The following PCDH11X variants were observed in gnomAD, a reference collection of about 807,000 sequenced individuals.
PCDH11X encodes the protein protocadherin-11 X-linked.
PCDH11X carries 18 observed loss-of-function variants against 53.3 expected under a neutral mutation model. That is an observed-to-expected ratio of 0.34 (90% CI 0.23 to 0.50). PCDH11X has a LOEUF of 0.50. Among genes scored for constraint, PCDH11X ranks in the 20% least tolerant of loss-of-function variants. PCDH11X has a pLI of 0.98. For synonymous variants in PCDH11X, 279 were observed against 393.3 expected, an observed-to-expected ratio of 0.71 and a Z score of 3.44; for missense variants, 570 against 1,032.4, an observed-to-expected ratio of 0.55 and a Z score of 6.14.
At chrX:92,159,906 T>C (rs5942129) in intron 6 of PCDH11X, among the ~76,000 whole-genome samples, 31,344 of 84,428 alleles carry the variant, frequency 0.37, 5,814 homozygotes, top group Non-Finnish European at 0.48. Context: ...TTGTTTGTTA[T>C]GAATCTCCTG....
chrX:92,382,643 A>T (rs1469621789), intron 8 of PCDH11X, among the ~76,000 whole-genome samples: 2 of 111,667 alleles, frequency 1.8e-5, no homozygotes, highest in Non-Finnish European at 3.8e-5. Flanking sequence ...GTGTTCTGGA[A>T]TTTTGATTCA....
intron 10 of PCDH11X, among the ~76,000 whole-genome samples, chrX:92,515,097 C>T (rs1328243234): frequency 4.8e-5 from 5 of 104,515 alleles, no homozygotes; most frequent in Non-Finnish European, 7.9e-5. Flanking sequence ...CCTTCAAAAC[C>T]GACTCTAACT....
intron 10 of PCDH11X, among the ~76,000 whole-genome samples, chrX:92,608,404 T>A (rs1354082643): frequency 9.4e-6 from 1 of 106,330 alleles, no homozygotes; most frequent in Non-Finnish European, 1.9e-5. Flanking sequence ...TGAACAAAAA[T>A]CATTATGTCA....
intron 8 of PCDH11X, among the ~76,000 whole-genome samples, chrX:92,302,012 C>T (rs2148470982): frequency 9.0e-6 from 1 of 111,482 alleles, no homozygotes; most frequent in African/African-American, 3.3e-5. Context: ...GGCCATGAAA[C>T]TACTGCATTA....
At chrX:92,390,491 T>C (rs145510655) in intron 9 of PCDH11X, among the ~76,000 whole-genome samples, 1,958 of 109,132 alleles carry the variant, frequency 0.018, 43 homozygotes, top group East Asian at 0.084. Flanking sequence ...ATAAGGTATT[T>C]TGATTCTTCA....
intron 5 of PCDH11X, among the ~76,000 whole-genome samples, chrX:91,849,576 G>A (rs1269163878): frequency 9.3e-6 from 1 of 107,922 alleles, no homozygotes; most frequent in Non-Finnish European, 1.9e-5. Context: ...AGAGAAAAAT[G>A]TCTATTTCAG....
At chrX:92,215,805 C>A (rs1422284457) in intron 7 of PCDH11X, among the ~76,000 whole-genome samples, 2 of 106,518 alleles carry the variant, frequency 1.9e-5, no homozygotes, top group Non-Finnish European at 3.9e-5. Flanking sequence ...AGGCACCCCC[C>A]AGTAGGGGCA....
intron 6 of PCDH11X, among the ~76,000 whole-genome samples, chrX:92,183,658 A>G (rs1440432132): frequency 8.9e-6 from 1 of 112,408 alleles, no homozygotes; most frequent in Non-Finnish European, 1.9e-5. Flanking sequence ...AAACCCTACA[A>G]TATGACAGGT....
At chrX:91,894,498 G>A (rs1055360871) in intron 6 of PCDH11X, among the ~76,000 whole-genome samples, 5 of 111,516 alleles carry the variant, frequency 4.5e-5, no homozygotes, top group African/African-American at 1.3e-4. Flanking sequence ...TCAGGGCATC[G>A]GAAAGATTTT....
At chrX:92,203,409 G>A (rs940013352) in intron 7 of PCDH11X, among the ~76,000 whole-genome samples, 5 of 112,504 alleles carry the variant, frequency 4.4e-5, no homozygotes, top group Admixed American at 1.9e-4. Flanking sequence ...ATTGATTCAT[G>A]CACTGTGAGA....
At chrX:92,547,777 C>G (rs1171650671) in intron 10 of PCDH11X, among the ~76,000 whole-genome samples, 1 of 108,925 alleles carries the variant, frequency 9.2e-6, no homozygotes, top group East Asian at 2.9e-4. Context: ...GTTGCCCAGG[C>G]TGGAGTGCAG....
At chrX:91,843,782 T>C (rs1937569485) in intron 5 of PCDH11X, among the ~76,000 whole-genome samples, 1 of 111,598 alleles carries the variant, frequency 9.0e-6, no homozygotes, top group Non-Finnish European at 1.9e-5. Context: ...CTTATTTTGT[T>C]ACTAGGTTTG....
chrX:91,991,681 T>A (rs1400410291), intron 6 of PCDH11X, among the ~76,000 whole-genome samples: 1 of 110,215 alleles, frequency 9.1e-6, no homozygotes, highest in Non-Finnish European at 1.9e-5. Flanking sequence ...GTTTCAATTT[T>A]TTTTTTAGTT....
intron 6 of PCDH11X, among the ~76,000 whole-genome samples, chrX:91,886,522 GAT>G (rs1413241905): frequency 9.1e-6 from 1 of 110,353 alleles, no homozygotes; most frequent in East Asian, 2.8e-4. Flanking sequence ...TATTTTTAAT[GAT>G]ATGATATTTA....
chrX:91,907,409 A>ACC lies in PCDH11X; in HGVS notation c.3033+28137_3033+28138insCC, dbSNP rs1449143327. ...CACACACACACACACACACACACAC[A>ACC]CACAGAGAGAGAGAGAGAGAGAGAG... is the stretch of plus-strand genomic sequence containing the variant. On this transcript the variant is annotated intron_variant, in intron 6 of 10. Transcript: ENST00000682573. 0.014 allele frequency among the ~76,000 whole-genome samples: 914 copies of ACC among 67,596 alleles called. 29 individuals are homozygous for ACC. The East Asian group carries it at 0.16, about 12-fold the overall frequency. The allele number at this position is 67,596 out of a possible 115,157, so 58.7% of individuals were successfully genotyped here. A position where few individuals can be genotyped will look rare whatever the true frequency, so the allele number is the denominator to read the frequency against.
chrX:92,197,486 A>G (rs2066310963), intron 6 of PCDH11X, among the ~76,000 whole-genome samples: 2 of 112,147 alleles, frequency 1.8e-5, no homozygotes, highest in African/African-American at 6.5e-5. Context: ...AAACTTTGCC[A>G]TAGTTTTGAT....
At chrX:92,536,728 G>T (rs2074667207) in intron 10 of PCDH11X, among the ~76,000 whole-genome samples, 1 of 100,069 alleles carries the variant, frequency 1.0e-5, no homozygotes, top group Non-Finnish European at 2.0e-5. Context: ...TGCAATCATG[G>T]CTCACTGCAG....
At chrX:92,110,456 G>A (rs763924931) in intron 6 of PCDH11X, among the ~76,000 whole-genome samples, 12 of 107,947 alleles carry the variant, frequency 1.1e-4, no homozygotes. Flanking sequence ...ACAGGTCTAC[G>A]CCTTTCTCCA....
At chrX:92,001,557 C>T (rs1466264532) in intron 6 of PCDH11X, among the ~76,000 whole-genome samples, 9 of 107,059 alleles carry the variant, frequency 8.4e-5, no homozygotes, top group Non-Finnish European at 1.2e-4. Context: ...CAACCTCTGA[C>T]GCCTGGGTTC....
Sources: gnomAD v4.1 joint callset for allele counts (sites outside exome capture counted in the v4.1 genomes callset) on GRCh38, gnomAD v4.1.1 for gene constraint, MANE v1.5 for transcripts, NCBI Gene and HGNC (gene_info 2026-07-23, HGNC 2026-07-21) for gene names.